USP2: variants seen among roughly 807,000 people sequenced by gnomAD.
The protein encoded by USP2 is ubiquitin specific peptidase 2.
Under a neutral mutation model 72.0 loss-of-function variants are expected in USP2, and 33 were observed. The ratio of observed to expected loss-of-function variants is 0.46; its 90% CI spans 0.35 to 0.61. The LOEUF is 0.61. Ranked by LOEUF, USP2 falls within the 20% of genes least tolerant of loss-of-function variation. The pLI is 0.01. For synonymous variants in USP2, 296 were observed against 312.5 expected (o/e 0.95, Z 0.56); for missense variants, 691 against 797.8 (o/e 0.87, Z 1.61).
At chr11:119,378,100 G>A (rs1358863545) in intron 1 of USP2, among the ~76,000 whole-genome samples, 3 of 152,062 alleles carry the variant, frequency 2.0e-5, no homozygotes, top group African/African-American at 7.2e-5. Flanking sequence ...CCCCCACAGT[G>A]GTGACCTCAG....
intron 11 of USP2, 32 bp from the exon 12 acceptor site, chr11:119,357,339 GC>G (rs1950683104): frequency 6.2e-7 from 1 of 1,611,704 alleles, no homozygotes; most frequent in Non-Finnish European, 8.5e-7. Context: ...AGCCCCCGAG[GC>G]CCCCCTGCCC....
In USP2 at chr11:119,372,762, C is replaced by T. The variant is rs772901110; in HGVS notation, c.719G>A (p.Gly240Glu). Residue 240 changes from glycine (G) to glutamate (E), a missense_variant, in exon 2 of 13, where the codon GGA (glycine) becomes GAA (glutamate). Physicochemically the swap from Gly to Glu is moderately conservative, Grantham distance 98. Transcript: ENST00000260187. ...GCTGGGCCCAGGGGCCTGACCCTTTCCCGTCTCCCACAGCGTGTAGCGGCC... is the reference window on the plus strand; with the variant it reads ...GCTGGGCCCAGGGGCCTGACCCTTTTCCGTCTCCCACAGCGTGTAGCGGCC... ...PIGRYTLWETGKGQAPGPSRS... is the reference protein window; with the variant it reads ...PIGRYTLWETEKGQAPGPSRS... 3.2e-6 allele frequency: 5 copies of T among 1,558,314 alleles called. No homozygotes were observed. Among genetic ancestry groups the T allele is most frequent in the African/African-American group, 1.4e-5 (1 of 73,046 alleles).
intron 1 of USP2, among the ~76,000 whole-genome samples, chr11:119,377,291 T>A (rs1380265883): frequency 3.9e-5 from 6 of 152,156 alleles, no homozygotes; most frequent in Non-Finnish European, 8.8e-5. Context: ...GTCTGCTATA[T>A]CTGGCCTGAA....
Position 119,357,818 on chromosome 11 carries a change from T to C in USP2, c.1440A>G (p.Arg480=), listed in dbSNP as rs980605669. The C allele has an allele frequency of 3.7e-6, 6 of 1,613,740 alleles. No homozygotes were observed. Among genetic ancestry groups the C allele is most frequent in the African/African-American group, 1.3e-5 (1 of 74,892 alleles). The part of the protein sequence containing the change: ...GDEKPTCCRC[R]GRKRCIKKFS... ...ACTTCTTTATACACCGTTTTCTGCC[T>C]CGGCAGCGACAGCATGTCTGAGAGA... The change falls in exon 10 of 13, where the codon CGA becomes CGG. Residue 480 remains arginine, a synonymous_variant. Coordinates refer to ENST00000260187, the MANE Select transcript of USP2 (RefSeq NM_004205.5).
Position 119,356,902 on chromosome 11 carries a change from C to G in USP2, c.1751G>C (p.Ser584Thr). 1 of 1,562,882 alleles carries G rather than the reference C, an allele frequency of 6.4e-7. No individual in the cohort carries two copies. The highest frequency in any genetic ancestry group is 8.7e-7 in the Non-Finnish European group (1 of 1,154,080). ...NDSSVTPMSS[S>T]QVRTSDAYLL... ...GTAGGCGTCGCTGGTGCGCACTTGG[C>G]TGGAGGACATGGGAGTGACGCTGCG... The change falls in exon 13 of 13, where the codon AGC becomes ACC. Residue 584 changes from serine (S) to threonine (T), a missense_variant. Physicochemically the swap from Ser to Thr is moderately conservative, Grantham distance 58. Transcript: ENST00000260187.
At chr11:119,356,995 C>A in intron 12 of USP2, 73 bp from the exon 13 acceptor site, 2 of 1,523,090 alleles carry the variant, frequency 1.3e-6, no homozygotes, top group Non-Finnish European at 1.8e-6. Flanking sequence ...TTTCTGTGCC[C>A]CCGAGGCCGG....
intron 2 of USP2, among the ~76,000 whole-genome samples, chr11:119,368,071 G>A (rs533641127): frequency 2.6e-5 from 4 of 152,332 alleles, no homozygotes; most frequent in African/African-American, 4.8e-5. Context: ...GCCCACAGCC[G>A]GTCTGCAAGG....
chr11:119,378,385 GC>G (rs1951026355), intron 1 of USP2, among the ~76,000 whole-genome samples: 1 of 152,100 alleles, frequency 6.6e-6, no homozygotes, highest in African/African-American at 2.4e-5. Flanking sequence ...CTCCTCTCAG[GC>G]CCCAGGGCCT....
At chr11:119,362,639 A>G (rs934540035) in intron 2 of USP2, among the ~76,000 whole-genome samples, 2 of 152,096 alleles carry the variant, frequency 1.3e-5, no homozygotes, top group Non-Finnish European at 1.5e-5. Context: ...GGGGAACAAA[A>G]TGTCCCCAGA....
intron 2 of USP2, among the ~76,000 whole-genome samples, chr11:119,370,920 G>T (rs1240833585): frequency 6.6e-6 from 1 of 152,160 alleles, no homozygotes; most frequent in South Asian, 2.1e-4. Flanking sequence ...CAGGAGGGTT[G>T]GGCCATGCCT....
intron 3 of USP2, 52 bp from the exon 4 acceptor site, chr11:119,359,712 CTG>C (rs993494779): frequency 6.3e-7 from 1 of 1,599,614 alleles, no homozygotes; most frequent in Non-Finnish European, 8.5e-7. Context: ...CCACCTTCAC[CTG>C]TGTTACTTAC....
At chr11:119,360,061 C>G in intron 3 of USP2, 123 bp downstream of exon 3, 4 of 1,225,904 alleles carry the variant, frequency 3.3e-6, no homozygotes, top group Non-Finnish European at 4.6e-6. Context: ...CCAGGAAGGG[C>G]AAGTGCCAAC....
rs1428464069 is a variant in USP2 at position 119,356,411 on chromosome 11, G to A, written c.*424C>T. On this transcript the variant is annotated 3_prime_UTR_variant, in exon 13 of 13. Coordinates refer to ENST00000260187, the MANE Select transcript of USP2 (RefSeq NM_004205.5). ...CCGGCGAGCCGTGCGGGTGGAGATG[G>A]GCGCCGGCTCCTCCGCGGCGCGGGC... 6.0e-6 allele frequency: 1 copy of A among 165,418 alleles called. No individual in the cohort carries two copies. Among genetic ancestry groups the A allele is most frequent in the Non-Finnish European group, 1.3e-5 (1 of 76,566 alleles). The allele number at this position is 165,418 out of a possible 1,614,324, so 10.2% of individuals were successfully genotyped here. A position where few individuals can be genotyped will look rare whatever the true frequency, so the allele number is the denominator to read the frequency against.
At position 119,373,254 on chromosome 11, in the gene USP2, C is replaced by G; in HGVS notation, c.227G>C (p.Arg76Pro). The G allele has an allele frequency of 6.2e-7, 1 of 1,613,816 alleles. No individual in the cohort carries two copies. The highest frequency in any genetic ancestry group is 1.1e-5 in the South Asian group (1 of 91,074). Residue 76 changes from arginine to proline, a missense_variant, in exon 2 of 13, where the codon CGG (arginine) becomes CCG (proline). Physicochemically the swap from Arg to Pro is moderately radical, Grantham distance 103 (BLOSUM62 -2). Transcript: ENST00000260187. ...GTCGGGTCTCAGCAGGGGGCGGCCC[C>G]GGTCATAGTCCAGGAGGGAGGAGGG... Reference protein sequence around the residue: ...YGPSSLLDYDRGRPLLRPDIT... With the variant: ...YGPSSLLDYDPGRPLLRPDIT...
At chr11:119,358,653 T>A in intron 7 of USP2, 120 bp downstream of exon 7, 1 of 1,221,606 alleles carries the variant, frequency 8.2e-7, no homozygotes, top group South Asian at 1.2e-5. Flanking sequence ...CTGCTTTGCT[T>A]TGTTGAACAC....
chr11:119,366,178 A>AGCC lies in USP2; in HGVS notation c.775-5947_775-5945dup, dbSNP rs1475151639. On this transcript the variant is annotated intron_variant, in intron 2 of 12. Transcript: ENST00000260187. Reference sequence around the variant, plus strand: ...CCAAAGTGCTGGGATTACAGGCGTGAGCCACCACGCCCGGCCTATTACCTC... The same window carrying AGCC: ...CCAAAGTGCTGGGATTACAGGCGTGAGCCGCCACCACGCCCGGCCTATTACCTC... Among the ~76,000 whole-genome samples the AGCC allele has an allele frequency of 4.6e-5, 7 of 152,192 alleles. No individual in the cohort carries two copies. In the East Asian group the frequency reaches 9.6e-4, roughly 21 times the overall value.
chr11:119,372,818 A>C lies in USP2; in HGVS notation c.663T>G (p.Pro221=). ...VPSQAPPSRV[P]EIISPTYRPI... is the part of the protein sequence containing the mutation. Reference sequence around the variant, plus strand: ...GTCGGTAGGTTGGGCTGATGATTTCAGGGACTCGTGAGGGAGGGGCCTGGG... The same window carrying C: ...GTCGGTAGGTTGGGCTGATGATTTCCGGGACTCGTGAGGGAGGGGCCTGGG... Residue 221 remains proline (P), a synonymous_variant, in exon 2 of 13, where the codon CCT becomes CCG. Coordinates refer to ENST00000260187, the MANE Select transcript of USP2 (RefSeq NM_004205.5). The C allele has an allele frequency of 6.2e-7, 1 of 1,606,976 alleles. No individual in the cohort carries two copies. Among genetic ancestry groups the C allele is most frequent in the Non-Finnish European group, 8.5e-7 (1 of 1,176,892 alleles).
intron 1 of USP2, among the ~76,000 whole-genome samples, chr11:119,378,325 T>TG (rs1297868986): frequency 4.8e-4 from 13 of 27,060 alleles, no homozygotes; most frequent in East Asian, 1.0e-3. Context: ...GAGTAGGGGA[T>TG]GGGGGGGCGG....
At chr11:119,361,623 G>T (rs1457595682) in intron 2 of USP2, among the ~76,000 whole-genome samples, 2 of 151,350 alleles carry the variant, frequency 1.3e-5, no homozygotes, top group Non-Finnish European at 2.9e-5. Flanking sequence ...GGGGAGGGGT[G>T]TGGGTGGGGG....
Sources: gnomAD v4.1 joint callset for allele counts (sites outside exome capture counted in the v4.1 genomes callset) on GRCh38, gnomAD v4.1.1 for gene constraint, MANE v1.5 for transcripts, NCBI Gene and HGNC (gene_info 2026-07-23, HGNC 2026-07-21) for gene names.